The following ARRB1 variants were observed in gnomAD, a reference collection of about 807,000 sequenced individuals.
ARRB1 encodes the protein beta-arrestin-1.
A neutral mutation model predicts 56.8 loss-of-function variants in ARRB1; 21 were observed. The ratio of observed to expected loss-of-function variants is 0.37; its 90% confidence interval spans 0.26 to 0.53. The LOEUF (loss-of-function observed/expected upper bound fraction) is 0.53, where lower values mean the gene tolerates loss of function less well. Ranked by LOEUF, ARRB1 falls within the 20% of genes least tolerant of loss-of-function variation. The pLI is 0.88. For synonymous variants in ARRB1, 210 were observed against 218.6 expected (o/e 0.96, Z 0.35); for missense variants, 424 against 553.7 (o/e 0.77, Z 2.35).
At chr11:75,324,799 G>T (rs1488699345) in intron 1 of ARRB1, among the ~76,000 whole-genome samples, 1 of 152,108 alleles carries the variant, frequency 6.6e-6, no homozygotes, top group Non-Finnish European at 1.5e-5. Context: ...TAACTGCTAC[G>T]TCTACACTCA....
At chr11:75,311,523 A>C (rs770175069) in intron 1 of ARRB1, among the ~76,000 whole-genome samples, 3 of 152,204 alleles carry the variant, frequency 2.0e-5, no homozygotes, top group Non-Finnish European at 2.9e-5. Context: ...ACGTTAAAGG[A>C]ACAGGCTATG....
At chr11:75,289,892 T>C in intron 2 of ARRB1, 117 bp downstream of exon 2, 1 of 1,465,212 alleles carries the variant, frequency 6.8e-7, no homozygotes, top group Admixed American at 1.7e-5. Context: ...GAGCAGCACC[T>C]GCCCCCTCCC....
At chr11:75,326,251 A>G (rs1315057789) in intron 1 of ARRB1, among the ~76,000 whole-genome samples, 2 of 152,212 alleles carry the variant, frequency 1.3e-5, no homozygotes, top group Non-Finnish European at 2.9e-5. Flanking sequence ...GCACTGAGTC[A>G]TGCTTGCAGC....
chr11:75,302,140 GCTCC>G (rs1946919637), intron 1 of ARRB1, among the ~76,000 whole-genome samples: 1 of 152,140 alleles, frequency 6.6e-6, no homozygotes, highest in African/African-American at 2.4e-5. Flanking sequence ...ATCTGCCATA[GCTCC>G]CAGGGCACAG....
chr11:75,295,087 G>C lies in ARRB1; in HGVS notation c.21-5048C>G, dbSNP rs141487128. On this transcript the variant is annotated intron_variant, in intron 1 of 15. Transcript: ENST00000420843. Reference sequence around the variant, plus strand: ...AAAATACAAAAATTAGCCAGGCACAGTGGTGTGTGCCTGTAGTACCAGCTA... The same window carrying C: ...AAAATACAAAAATTAGCCAGGCACACTGGTGTGTGCCTGTAGTACCAGCTA... Among the ~76,000 whole-genome samples the C allele has an allele frequency of 4.6e-5, 7 of 152,120 alleles. No individual in the cohort carries two copies. In the East Asian group the frequency reaches 1.2e-3, roughly 25 times the overall value.
intron 1 of ARRB1, among the ~76,000 whole-genome samples, chr11:75,344,098 T>G (rs1327782815): frequency 6.6e-6 from 1 of 152,226 alleles, no homozygotes; most frequent in East Asian, 1.9e-4. Context: ...ATTACAGGCA[T>G]GAGCCACTGC....
chr11:75,348,536 T>C (rs1420467420), intron 1 of ARRB1, among the ~76,000 whole-genome samples: 1 of 152,134 alleles, frequency 6.6e-6, no homozygotes, highest in Non-Finnish European at 1.5e-5. Flanking sequence ...TATATGATTG[T>C]TCCCAGAGCA....
chr11:75,271,384 T>G (rs1825418845), intron 13 of ARRB1: 1 of 265,644 alleles, frequency 3.8e-6, no homozygotes, highest in Non-Finnish European at 7.1e-6. Context: ...TTGAAAGCCA[T>G]GAAGTCTGCA....
At chr11:75,336,792 A>G (rs928181986) in intron 1 of ARRB1, among the ~76,000 whole-genome samples, 1 of 152,194 alleles carries the variant, frequency 6.6e-6, no homozygotes, top group African/African-American at 2.4e-5. Context: ...GCACCTGTTC[A>G]GCCCCTCACA....
intron 2 of ARRB1, among the ~76,000 whole-genome samples, chr11:75,288,367 G>A (rs903668980): frequency 2.6e-5 from 4 of 152,086 alleles, no homozygotes; most frequent in Non-Finnish European, 4.4e-5. Flanking sequence ...ATAGCCAGCC[G>A]GGAGGGAAAA....
chr11:75,277,299 C>T, intron 9 of ARRB1, 65 bp downstream of exon 9: 3 of 1,497,134 alleles, frequency 2.0e-6, no homozygotes, highest in Non-Finnish European at 2.8e-6. Flanking sequence ...GATACTTCAG[C>T]CACCCCCAGC....
rs917013934 is a variant in ARRB1, at chr11:75,278,720, C to G, written c.507G>C (p.Arg169=). ...GCCTCTCTGGGGCATACTGAACCTTCCGGATGACCAGACGCACAGAATTCC... is the reference window on the plus strand; with the variant it reads ...GCCTCTCTGGGGCATACTGAACCTTGCGGATGACCAGACGCACAGAATTCC... The part of the protein sequence containing the change: ...HKRNSVRLVI[R]KVQYAPERPG... The change falls in exon 8 of 16, where the codon CGG becomes CGC. Residue 169 remains arginine (R), a synonymous_variant. Coordinates refer to ENST00000420843, the MANE Select transcript of ARRB1 (RefSeq NM_004041.5). 1 of 1,612,126 alleles carries G rather than the reference C, an allele frequency of 6.2e-7. No homozygotes were observed. Among genetic ancestry groups the G allele is most frequent in the Non-Finnish European group, 8.5e-7 (1 of 1,178,942 alleles).
At chr11:75,298,930 T>TG (rs1946828698) in intron 1 of ARRB1, among the ~76,000 whole-genome samples, 6 of 151,878 alleles carry the variant, frequency 4.0e-5, no homozygotes, top group South Asian at 2.1e-4. Context: ...AACATAATGT[T>TG]AATTATGTTA....
rs190508071 is a variant in ARRB1 at position 75,277,927 on chromosome 11, C to T, written c.619-479G>A. 3.0e-3 allele frequency among the ~76,000 whole-genome samples: 458 copies of T among 152,312 alleles called. 5 individuals carry two copies. The highest frequency in any genetic ancestry group is 6.8e-3 in the Middle Eastern group (2 of 294). On this transcript the variant is annotated intron_variant, in intron 8 of 15. Coordinates refer to ENST00000420843, the MANE Select transcript of ARRB1 (RefSeq NM_004041.5). ...AGCCTCAGGGTCTCCCTCTGTGCAACGAAGGGGTTGGACTAGGTGATGTCT... is the reference window on the plus strand; with the variant it reads ...AGCCTCAGGGTCTCCCTCTGTGCAATGAAGGGGTTGGACTAGGTGATGTCT...
At chr11:75,275,662 G>C (rs181271556) in intron 10 of ARRB1, among the ~76,000 whole-genome samples, 1 of 152,288 alleles carries the variant, frequency 6.6e-6, no homozygotes, top group South Asian at 2.1e-4. Flanking sequence ...AGCAGATAGT[G>C]AACAAGCCTT....
chr11:75,317,891 A>G (rs1233792663), intron 1 of ARRB1, among the ~76,000 whole-genome samples: 1 of 152,134 alleles, frequency 6.6e-6, no homozygotes, highest in African/African-American at 2.4e-5. Context: ...AGGGACCAGC[A>G]CCGAGGACTA....
At chr11:75,348,626 C>T (rs754785885) in intron 1 of ARRB1, among the ~76,000 whole-genome samples, 3 of 151,126 alleles carry the variant, frequency 2.0e-5, no homozygotes, top group Non-Finnish European at 4.4e-5. Flanking sequence ...CAGACAGGGT[C>T]TCACTCTCTC....
In ARRB1 at chr11:75,277,046, C is replaced by G. The variant is rs533790078; in HGVS notation, c.704-135G>C. ...CACCAGTGGGGACTTCTGCATAAGACCACCCCTGTCTTACATCCAAAGGGT... is the reference window on the plus strand; with the variant it reads ...CACCAGTGGGGACTTCTGCATAAGAGCACCCCTGTCTTACATCCAAAGGGT... On this transcript the variant is annotated intron_variant, in intron 9 of 15. Coordinates refer to ENST00000420843, the MANE Select transcript of ARRB1 (RefSeq NM_004041.5). 4.6e-5 allele frequency: 37 copies of G among 804,094 alleles called. 1 individual carries two copies. The South Asian group carries it at 5.6e-4, about 12-fold the overall frequency. The allele number at this position is 804,094 out of a possible 1,614,324, so 49.8% of individuals were successfully genotyped here. A position where few individuals can be genotyped will look rare whatever the true frequency, so the allele number is the denominator to read the frequency against.
At chr11:75,339,427 G>A (rs1679095734) in intron 1 of ARRB1, among the ~76,000 whole-genome samples, 1 of 152,188 alleles carries the variant, frequency 6.6e-6, no homozygotes, top group African/African-American at 2.4e-5. Context: ...GCATTCCCAA[G>A]ACACTCCTTA....
Sources: gnomAD v4.1 joint callset for allele counts (sites outside exome capture counted in the v4.1 genomes callset) on GRCh38, gnomAD v4.1.1 for gene constraint, MANE v1.5 for transcripts, NCBI Gene and HGNC (gene_info 2026-07-23, HGNC 2026-07-21) for gene names.